Variants in THSD7A observed in about 807,000 individuals in gnomAD.
THSD7A encodes thrombospondin type 1 domain containing 7A.
Under a neutral mutation model 231.3 loss-of-function variants are expected in THSD7A, and 96 were observed. The ratio of observed to expected loss-of-function variants is 0.41; its 90% CI spans 0.35 to 0.49. THSD7A has a LOEUF of 0.49. THSD7A is among the 20% of genes least tolerant of loss of function. THSD7A has a pLI of 0.05. For synonymous variants in THSD7A, 940 were observed against 743.3 expected (o/e 1.26, Z -4.30); for missense variants, 2,290 against 2,070.2 (o/e 1.11, Z -2.06).
rs540885222 is a variant in THSD7A, at chr7:11,526,013, G to C, written c.1822+15406C>G. Among the ~76,000 whole-genome samples, 184 of 152,290 alleles carry C rather than the reference G, an allele frequency of 1.2e-3. 1 individual carries two copies. The highest frequency in any genetic ancestry group is 4.3e-3 in the African/African-American group (178 of 41,576). ...GAGTTCATGGTTTAGTCTAAAGAAA[G>C]AGAGCAAGAGTGTGTCTCAACTTCC... is the stretch of plus-strand genomic sequence containing the variant. On this transcript the variant is annotated intron_variant, in intron 6 of 27. Transcript: ENST00000423059.
chr7:11,494,555 A>G (rs1475640065), intron 6 of THSD7A, among the ~76,000 whole-genome samples: 11 of 152,092 alleles, frequency 7.2e-5, no homozygotes, highest in Admixed American at 7.2e-4. Flanking sequence ...GGATGAAAGG[A>G]AAGAAAATAA....
intron 6 of THSD7A, among the ~76,000 whole-genome samples, chr7:11,482,663 C>T (rs995186806): frequency 3.3e-5 from 5 of 152,116 alleles, no homozygotes; most frequent in African/African-American, 1.2e-4. Context: ...TTCATTAGTT[C>T]CCTGTTGCTC....
intron 1 of THSD7A, among the ~76,000 whole-genome samples, chr7:11,696,166 G>A (rs535246161): frequency 8.3e-4 from 125 of 151,490 alleles, no homozygotes; most frequent in Non-Finnish European, 1.6e-3. Flanking sequence ...ATTGTATTGG[G>A]ATTACTGTGT....
intron 1 of THSD7A, among the ~76,000 whole-genome samples, chr7:11,800,687 T>C (rs1423215257): frequency 6.6e-6 from 1 of 152,190 alleles, no homozygotes; most frequent in Non-Finnish European, 1.5e-5. Context: ...GTCAAATTCA[T>C]AGAAGCAGAG....
intron 15 of THSD7A, 43 bp from the exon 16 acceptor site, chr7:11,424,872 A>T: frequency 6.2e-7 from 1 of 1,611,172 alleles, no homozygotes; most frequent in Non-Finnish European, 8.5e-7. Context: ...GAATCTGGTA[A>T]GAGTGAGGAG....
In THSD7A at chr7:11,528,604, A is replaced by T. The variant is rs115843399; in HGVS notation, c.1822+12815T>A. ...TTTATATCAATTCAGCAATTTCAAT[A>T]TAAGATCAACAATTCTAACATTTTA... On this transcript the variant is annotated intron_variant, in intron 6 of 27. Transcript: ENST00000423059. Among the ~76,000 whole-genome samples, 538 of 152,334 alleles carry T rather than the reference A, an allele frequency of 3.5e-3. 6 individuals are homozygous for T. The highest frequency in any genetic ancestry group is 0.012 in the African/African-American group (510 of 41,586).
chr7:11,802,113 T>C (rs1187132304), intron 1 of THSD7A, among the ~76,000 whole-genome samples: 1 of 152,186 alleles, frequency 6.6e-6, no homozygotes, highest in East Asian at 1.9e-4. Flanking sequence ...TTCCTGGTTT[T>C]AGAGTATGAG....
chr7:11,512,160 T>C (rs1787837042), intron 6 of THSD7A, among the ~76,000 whole-genome samples: 1 of 152,188 alleles, frequency 6.6e-6, no homozygotes, highest in African/African-American at 2.4e-5. Flanking sequence ...AAGACATTTA[T>C]GTAGCCAAAA....
At position 11,444,941 on chromosome 7, in the gene THSD7A, G is replaced by T. The variant is rs2128294066; in HGVS notation, c.3064+1120C>A. Among the ~76,000 whole-genome samples, 1 of 147,766 alleles carries T rather than the reference G, an allele frequency of 6.8e-6. No individual in the cohort carries two copies. The highest frequency in any genetic ancestry group is 2.0e-4 in the East Asian group (1 of 5,092). On this transcript the variant is annotated intron_variant, in intron 13 of 27. Coordinates refer to ENST00000423059, the MANE Select transcript of THSD7A (RefSeq NM_015204.3). The surrounding 1 kb of genome is among the most constrained non-coding windows in gnomAD (Gnocchi z 4.2). ...GAAACTATATATGTATATATAGAATGAAACTATATATATGTATATATATAT... is the reference window on the plus strand; with the variant it reads ...GAAACTATATATGTATATATAGAATTAAACTATATATATGTATATATATAT...
chr7:11,436,503 A>AAACT (rs1481425278), intron 13 of THSD7A, among the ~76,000 whole-genome samples: 1 of 152,038 alleles, frequency 6.6e-6, no homozygotes, highest in Non-Finnish European at 1.5e-5. Context: ...TGGGTAATAC[A>AAACT]AACTATGACT....
At chr7:11,603,837 A>G (rs1304354111) in intron 2 of THSD7A, among the ~76,000 whole-genome samples, 1 of 139,158 alleles carries the variant, frequency 7.2e-6, no homozygotes, top group Non-Finnish European at 1.5e-5. Context: ...ACGAGATCAC[A>G]TGGACACAGG....
chr7:11,749,071 A>G (rs977661005), intron 1 of THSD7A, among the ~76,000 whole-genome samples: 1 of 152,022 alleles, frequency 6.6e-6, no homozygotes, highest in Admixed American at 6.6e-5. Flanking sequence ...CAAACAAACA[A>G]GAGACATCCA....
In THSD7A at chr7:11,677,584, C is replaced by CAA. The variant is rs553030554; in HGVS notation, c.191-40625_191-40624dup. ...GAAGATTGACCAAGCAAATGGAAAG[C>CAA]AAAAAAAAAAAAAAAAAAAAAAAAA... On this transcript the variant is annotated intron_variant, in intron 1 of 27. Coordinates refer to ENST00000423059, the MANE Select transcript of THSD7A (RefSeq NM_015204.3). Among the ~76,000 whole-genome samples, 13 of 22,272 alleles carry CAA rather than the reference C, an allele frequency of 5.8e-4. 1 individual carries two copies. Among genetic ancestry groups the CAA allele is most frequent in the African/African-American group, 2.6e-3 (10 of 3,884 alleles). The allele number at this position is 22,272 out of a possible 152,430, so 14.6% of individuals were successfully genotyped here. A position where few individuals can be genotyped will look rare whatever the true frequency, so the allele number is the denominator to read the frequency against.
intron 7 of THSD7A, among the ~76,000 whole-genome samples, chr7:11,479,425 T>C (rs1786331544): frequency 6.6e-6 from 1 of 152,242 alleles, no homozygotes; most frequent in African/African-American, 2.4e-5. Flanking sequence ...ATTTCTCAAA[T>C]GTGGCACTTT....
chr7:11,720,703 G>T (rs1040070545), intron 1 of THSD7A, among the ~76,000 whole-genome samples: 1 of 151,650 alleles, frequency 6.6e-6, no homozygotes, highest in East Asian at 2.0e-4. Flanking sequence ...CTTGCACCAT[G>T]GCTACTATAG....
In THSD7A at chr7:11,651,295, G is replaced by A. The variant is rs561898417; in HGVS notation, c.191-14334C>T. Among the ~76,000 whole-genome samples, 6 of 152,100 alleles carry A rather than the reference G, an allele frequency of 3.9e-5. No individual in the cohort carries two copies. In the South Asian group the frequency reaches 1.0e-3, roughly 26 times the overall value. On this transcript the variant is annotated intron_variant, in intron 1 of 27. Transcript: ENST00000423059. ...AGGGGATAGGTGAAGAAGGATATGG[G>A]AAAGTATTGGTTGATGAGTGCAGAG...
chr7:11,525,236 G>A (rs1788422136), intron 6 of THSD7A, among the ~76,000 whole-genome samples: 1 of 151,326 alleles, frequency 6.6e-6, no homozygotes, highest in Non-Finnish European at 1.5e-5. Flanking sequence ...GATCATGCCT[G>A]AGTACAGTTC....
At chr7:11,604,578 T>G (rs1252265436) in intron 2 of THSD7A, among the ~76,000 whole-genome samples, 1 of 152,144 alleles carries the variant, frequency 6.6e-6, no homozygotes, top group Non-Finnish European at 1.5e-5. Context: ...ATATGATTTA[T>G]TTTTACAGAC....
chr7:11,393,901 G>C (rs1256856251), intron 23 of THSD7A, among the ~76,000 whole-genome samples: 2 of 151,828 alleles, frequency 1.3e-5, no homozygotes, highest in Middle Eastern at 3.2e-3. Context: ...TGTTGTACCT[G>C]AAAGTGATGG....
Sources: allele counts gnomAD v4.1 joint callset (sites outside exome capture counted in the v4.1 genomes callset), GRCh38; gene constraint gnomAD v4.1.1; non-coding constraint Gnocchi (gnomAD v3.1); transcripts MANE v1.5; gene names NCBI Gene and HGNC (gene_info 2026-07-23, HGNC 2026-07-21).